The following TNFRSF1B variants were observed in gnomAD, a reference collection of about 807,000 sequenced individuals.
The protein encoded by TNFRSF1B is tumor necrosis factor receptor superfamily member 1B.
In TNFRSF1B, 19 loss-of-function variants were observed where a neutral mutation model predicts 44.6. The observed-to-expected ratio is 0.43, with a 90% CI of 0.30 to 0.62. The LOEUF (loss-of-function observed/expected upper bound fraction) is 0.62, where lower values mean the gene tolerates loss of function less well. Ranked by LOEUF, TNFRSF1B falls within the 20% of genes least tolerant of loss-of-function variation. The pLI is 0.16. For synonymous variants in TNFRSF1B, 252 were observed against 261.1 expected (o/e 0.97, Z 0.34); for missense variants, 541 against 619.9 (o/e 0.87, Z 1.35).
At chr1:12,190,831 T>C (rs5746014) in intron 2 of TNFRSF1B, 126 bp from the exon 3 acceptor site, 95,106 of 1,137,288 alleles carry the variant, frequency 0.084, 4,586 homozygotes, top group Non-Finnish European at 0.099. Context: ...TCTGAGGAAT[T>C]GGAACTCCAC....
chr1:12,189,338 C>G (rs544083755), intron 2 of TNFRSF1B, among the ~76,000 whole-genome samples: 2 of 152,182 alleles, frequency 1.3e-5, no homozygotes, highest in East Asian at 3.8e-4. Context: ...GATTATAGCC[C>G]GGTCCTGCTT....
At chr1:12,174,220 C>T (rs937962923) in intron 1 of TNFRSF1B, among the ~76,000 whole-genome samples, 6 of 139,892 alleles carry the variant, frequency 4.3e-5, no homozygotes, top group African/African-American at 1.4e-4. Flanking sequence ...TTCTCCTTCT[C>T]CTTCTCCTTC....
At chr1:12,201,616 G>A (rs1241185852) in intron 8 of TNFRSF1B, among the ~76,000 whole-genome samples, 2 of 152,154 alleles carry the variant, frequency 1.3e-5, no homozygotes, top group African/African-American at 2.4e-5. Context: ...GTCTCCCTGT[G>A]CAGATGGGGT....
chr1:12,167,409 C>A (rs1222578420), intron 1 of TNFRSF1B: 3 of 431,182 alleles, frequency 7.0e-6, no homozygotes, highest in South Asian at 3.6e-5. Context: ...GCCCCTCTTA[C>A]CCGCGTCGTG....
intron 8 of TNFRSF1B, 96 bp from the exon 9 acceptor site, chr1:12,201,871 A>G: frequency 6.9e-7 from 1 of 1,456,894 alleles, no homozygotes. Flanking sequence ...AGAAGTGCTG[A>G]TGGCAGGAGG....
chr1:12,208,537 C>G lies in TNFRSF1B; in HGVS notation c.*1517C>G, dbSNP rs1023631682. 1 of 152,408 alleles carries G rather than the reference C, an allele frequency of 6.6e-6. No individual in the cohort carries two copies. Among genetic ancestry groups the G allele is most frequent in the Non-Finnish European group, 1.5e-5 (1 of 68,124 alleles). 9.4% of individuals were successfully genotyped at this position (152,408 alleles called of 1,614,324 possible). ...CCATTAGAGTCAGCCTTCCCCCTCC[C>G]AGGGCCAGGGCCCTGCAGAGGGGAA... On this transcript the variant is annotated 3_prime_UTR_variant, in exon 10 of 10. Transcript: ENST00000376259.
intron 9 of TNFRSF1B, among the ~76,000 whole-genome samples, chr1:12,205,974 T>C (rs899935668): frequency 6.6e-6 from 1 of 151,570 alleles, no homozygotes; most frequent in Admixed American, 6.6e-5. Context: ...GATGGATGGG[T>C]GTGTGATATG....
intron 9 of TNFRSF1B, 93 bp downstream of exon 9, chr1:12,202,264 G>T: frequency 6.7e-7 from 1 of 1,489,306 alleles, no homozygotes; most frequent in South Asian, 1.3e-5. Flanking sequence ...GAGCCTCCCC[G>T]CAGGGTGGGA....
Position 12,191,226 on chromosome 1 carries a change from C to T in TNFRSF1B, c.307+141C>T, listed in dbSNP as rs1360984026. 9.5e-6 allele frequency: 11 copies of T among 1,152,010 alleles called. No individual in the cohort carries two copies. In the East Asian group the frequency reaches 2.2e-4, roughly 23 times the overall value. 71.4% of individuals were successfully genotyped at this position (1,152,010 alleles called of 1,614,324 possible). ...GTGGCACAGGTGCAGCTGTTTACCC[C>T]TACCACTGGCATTTTCCTCCTCTGT... On this transcript the variant is annotated intron_variant, in intron 3 of 9. Coordinates refer to ENST00000376259, the MANE Select transcript of TNFRSF1B (RefSeq NM_001066.3).
intron 9 of TNFRSF1B, among the ~76,000 whole-genome samples, chr1:12,203,369 A>C (rs897795166): frequency 6.6e-6 from 1 of 152,112 alleles, no homozygotes; most frequent in African/African-American, 2.4e-5. Flanking sequence ...TGATGGCTGC[A>C]GCCCCCACCA....
intron 1 of TNFRSF1B, chr1:12,167,679 T>C: frequency 4.5e-6 from 1 of 222,094 alleles, no homozygotes; most frequent in Non-Finnish European, 9.4e-6. Context: ...ACCAGGGTCC[T>C]GTGTCTGAAG....
At chr1:12,190,903 AG>A (rs1364948366) in intron 2 of TNFRSF1B, 53 bp from the exon 3 acceptor site, 1 of 1,593,908 alleles carries the variant, frequency 6.3e-7, no homozygotes, top group African/African-American at 1.3e-5. Context: ...GGATGAGCCC[AG>A]GGTCCTGGCA....
At chr1:12,191,586 G>A in intron 3 of TNFRSF1B, 188 bp from the exon 4 acceptor site, 1 of 687,856 alleles carries the variant, frequency 1.5e-6, no homozygotes, top group South Asian at 1.8e-5. Flanking sequence ...GAGAGTAGCG[G>A]GACTGCGGAG....
intron 8 of TNFRSF1B, among the ~76,000 whole-genome samples, chr1:12,195,409 A>C (rs1453935055): frequency 6.6e-6 from 1 of 152,102 alleles, no homozygotes; most frequent in Non-Finnish European, 1.5e-5. Flanking sequence ...TGCCAGCAGG[A>C]CCCCAGGCTC....
chr1:12,179,169 C>T (rs1013435399), intron 1 of TNFRSF1B, among the ~76,000 whole-genome samples: 3 of 152,086 alleles, frequency 2.0e-5, no homozygotes, highest in Admixed American at 6.5e-5. Context: ...TTCCTGTCTG[C>T]CCCCAGCTCA....
intron 9 of TNFRSF1B, among the ~76,000 whole-genome samples, chr1:12,202,923 G>C (rs1160134523): frequency 2.4e-4 from 37 of 152,234 alleles, no homozygotes; most frequent in Admixed American, 2.4e-3. Context: ...TCCACTCACT[G>C]CAGTTTGTTG....
chr1:12,202,089 G>A lies in TNFRSF1B; in HGVS notation c.1023G>A (p.Arg341=), dbSNP rs1402279757. Residue 341 remains arginine, a synonymous_variant, in exon 9 of 10, where the codon AGG becomes AGA. Coordinates refer to ENST00000376259, the MANE Select transcript of TNFRSF1B (RefSeq NM_001066.3). Reference sequence around the variant, plus strand: ...GCTCGGCCAGTGCGTTGGACAGAAGGGCGCCCACTCGGAACCAGCCACAGG... The same window carrying A: ...GCTCGGCCAGTGCGTTGGACAGAAGAGCGCCCACTCGGAACCAGCCACAGG... ...LESSASALDR[R]APTRNQPQAP... 1 of 1,587,288 alleles carries A rather than the reference G, an allele frequency of 6.3e-7. No individual in the cohort carries two copies. Among genetic ancestry groups the A allele is most frequent in the Admixed American group, 1.8e-5 (1 of 55,716 alleles).
intron 1 of TNFRSF1B, among the ~76,000 whole-genome samples, chr1:12,182,143 T>G (rs567123347): frequency 6.6e-6 from 1 of 152,318 alleles, no homozygotes; most frequent in Admixed American, 6.5e-5. Flanking sequence ...TGAGGAGGCC[T>G]CTTTGAGGCT....
rs761752820 is a variant in TNFRSF1B at position 12,177,839 on chromosome 1, TG to T, written c.78+10673del. ...GAGCTGACATTTAGCGGGTGCTTCT[TG>T]GGTGCAATGCGCAAGAGACCGATGC... On this transcript the variant is annotated intron_variant, in intron 1 of 9. Transcript: ENST00000376259. The surrounding 1 kb of genome is among the most constrained non-coding windows in gnomAD (Gnocchi z 4.3). Among the ~76,000 whole-genome samples, 17 of 151,854 alleles carry T rather than the reference TG, an allele frequency of 1.1e-4. No homozygotes were observed. The East Asian group carries it at 1.4e-3, about 12-fold the overall frequency.
Sources: allele counts gnomAD v4.1 joint callset (sites outside exome capture counted in the v4.1 genomes callset), GRCh38; gene constraint gnomAD v4.1.1; non-coding constraint Gnocchi (gnomAD v3.1); transcripts MANE v1.5; gene names NCBI Gene and HGNC (gene_info 2026-07-23, HGNC 2026-07-21).